The following HPF1 variants were observed in gnomAD, a reference collection of about 807,000 sequenced individuals.
HPF1 encodes the protein UPF0609 protein C4orf27.
A neutral mutation model predicts 38.8 loss-of-function variants in HPF1; 35 were observed. The observed-to-expected ratio is 0.90, with a 90% CI of 0.69 to 1.19. HPF1 has a LOEUF of 1.19. Among genes scored for constraint, HPF1 ranks in the 50% most tolerant of loss-of-function variants. The pLI, the probability that HPF1 is intolerant of heterozygous loss-of-function variation, is 0.00. For missense variants in HPF1, 367 were observed against 405.8 expected, an observed-to-expected ratio of 0.90 and a Z score of 0.82; for synonymous variants, 115 against 139.2, an observed-to-expected ratio of 0.83 and a Z score of 1.22.
chr4:169,742,425 G>A (rs1288293505), intron 4 of HPF1, among the ~76,000 whole-genome samples: 1 of 152,112 alleles, frequency 6.6e-6, no homozygotes, highest in African/African-American at 2.4e-5. Context: ...TTGATACTAA[G>A]ATATGGCATA....
rs1011782075 is a variant in HPF1, at chr4:169,733,323, G to A, written c.737-1447C>T. Among the ~76,000 whole-genome samples the A allele has an allele frequency of 3.9e-5, 6 of 152,038 alleles. No individual in the cohort carries two copies. In the East Asian group the frequency reaches 7.7e-4, roughly 20 times the overall value. On this transcript the variant is annotated intron_variant, in intron 6 of 7. Coordinates refer to ENST00000393381, the MANE Select transcript of HPF1 (RefSeq NM_017867.3). ...GTTAATGTACATCCGATTTCAGGAC[G>A]CAAATGAGATGGAAGTATGAACAAT... is the stretch of plus-strand genomic sequence containing the variant.
chr4:169,750,077 CATA>C (rs768877618), intron 3 of HPF1, among the ~76,000 whole-genome samples: 1 of 152,206 alleles, frequency 6.6e-6, no homozygotes, highest in Non-Finnish European at 1.5e-5. Flanking sequence ...ATTTAATTCT[CATA>C]ATATTCCTAT....
chr4:169,736,877 C>T (rs6850430), intron 6 of HPF1, among the ~76,000 whole-genome samples: 19,960 of 152,082 alleles, frequency 0.13, 2,419 homozygotes, highest in African/African-American at 0.33. Flanking sequence ...CGATGTTTAA[C>T]GTAGCAATAA....
At chr4:169,738,497 G>A (rs1393187496) in intron 5 of HPF1, among the ~76,000 whole-genome samples, 1 of 152,166 alleles carries the variant, frequency 6.6e-6, no homozygotes, top group Non-Finnish European at 1.5e-5. Flanking sequence ...CCAAGGCAGA[G>A]GAAGGACACA....
chr4:169,749,780 T>C (rs2150292916), intron 3 of HPF1, among the ~76,000 whole-genome samples: 1 of 146,828 alleles, frequency 6.8e-6, no homozygotes, highest in East Asian at 2.0e-4. Context: ...GATGAAAGGA[T>C]CCTATTCACG....
chr4:169,744,912 A>G (rs562560549), intron 4 of HPF1, among the ~76,000 whole-genome samples: 40 of 152,244 alleles, frequency 2.6e-4, no homozygotes, highest in African/African-American at 8.2e-4. Context: ...CTAAAATGCT[A>G]CAAAGGTATA....
intron 6 of HPF1, among the ~76,000 whole-genome samples, chr4:169,737,204 C>T (rs1015702813): frequency 6.1e-5 from 9 of 148,690 alleles, no homozygotes; most frequent in Middle Eastern, 3.5e-3. Context: ...GCAGGAGAAT[C>T]GCTTGAACCT....
chr4:169,752,257 G>A (rs957552779), intron 2 of HPF1, among the ~76,000 whole-genome samples: 2 of 135,722 alleles, frequency 1.5e-5, no homozygotes, highest in East Asian at 2.3e-4. Context: ...TGCAACCTCC[G>A]CCTCCTGGGT....
At chr4:169,750,775 T>C in intron 2 of HPF1, 50 bp from the exon 3 acceptor site, 1 of 1,329,344 alleles carries the variant, frequency 7.5e-7, no homozygotes, top group Admixed American at 2.2e-5. Flanking sequence ...AGGTAGGAAA[T>C]AATGCTTTTA....
In HPF1 at chr4:169,729,589, G is replaced by A. The variant is rs1047726; in HGVS notation, c.1030C>T (p.Leu344Phe). The A allele has an allele frequency of 5.8e-6, 9 of 1,547,810 alleles. No individual in the cohort carries two copies. Among genetic ancestry groups the A allele is most frequent in the Non-Finnish European group, 7.8e-6 (9 of 1,148,866 alleles). Reference protein sequence around the residue: ...ANRSQENIDQLAA With the variant: ...ANRSQENIDQFAA ...CAAAGCCACCTTACTCATGCAGCAA[G>A]TTGGTCTATGTTCTCTTGACTTCTG... Residue 344 changes from leucine to phenylalanine, a missense_variant, in exon 8 of 8, where the codon CTT (leucine) becomes TTT (phenylalanine). By Grantham distance (22) the Leu-to-Phe change is conservative. Coordinates refer to ENST00000393381, the MANE Select transcript of HPF1 (RefSeq NM_017867.3).
chr4:169,749,786 T>A (rs1158235485), intron 3 of HPF1, among the ~76,000 whole-genome samples: 3 of 151,292 alleles, frequency 2.0e-5, no homozygotes, highest in Non-Finnish European at 4.4e-5. Context: ...AGGATCCTAT[T>A]CACGTATATA....
At chr4:169,741,586 T>C (rs1294694268) in intron 5 of HPF1, among the ~76,000 whole-genome samples, 1 of 152,246 alleles carries the variant, frequency 6.6e-6, no homozygotes, top group African/African-American at 2.4e-5. Flanking sequence ...GCACTGCTTA[T>C]ATACACGTTT....
chr4:169,754,908 T>C (rs1734167029), intron 1 of HPF1, among the ~76,000 whole-genome samples: 1 of 151,876 alleles, frequency 6.6e-6, no homozygotes, highest in South Asian at 2.1e-4. Context: ...TTCTCATATT[T>C]ATATATTTTT....
At position 169,731,705 on chromosome 4, in the gene HPF1, TG is replaced by T; in HGVS notation, c.907del (p.His303IlefsTer18). 1 of 1,537,384 alleles carries T rather than the reference TG, an allele frequency of 6.5e-7. No homozygotes were observed. The highest frequency in any genetic ancestry group is 1.4e-5 in the African/African-American group (1 of 71,246). On this transcript the variant is annotated frameshift_variant and splice_region_variant, in exon 7 of 8. Transcript: ENST00000393381. LOFTEE classifies it high-confidence loss of function. ...AAGGTGGAGGGTTTTTTTACTCACA[TG>T]TGAGCCATAGCAAAAGAGATCCATT... ...LGMDLFCYGS[H>X]YFHKVAGQLL...
chr4:169,745,993 C>A (rs1415077305), intron 4 of HPF1, among the ~76,000 whole-genome samples: 4 of 134,662 alleles, frequency 3.0e-5, no homozygotes, highest in African/African-American at 6.5e-5. Context: ...AAACTGTTTA[C>A]CCCAGTTATT....
At chr4:169,751,392 G>A (rs901065818) in intron 2 of HPF1, among the ~76,000 whole-genome samples, 5 of 145,928 alleles carry the variant, frequency 3.4e-5, no homozygotes, top group African/African-American at 1.3e-4. Flanking sequence ...GACAGGGTGA[G>A]GCTCTGTCTC....
At chr4:169,734,539 A>G (rs1733869123) in intron 6 of HPF1, among the ~76,000 whole-genome samples, 1 of 152,246 alleles carries the variant, frequency 6.6e-6, no homozygotes, top group Non-Finnish European at 1.5e-5. Flanking sequence ...CCATCAGTAC[A>G]AGGAAAAATA....
chr4:169,736,847 T>C (rs6832007), intron 6 of HPF1, among the ~76,000 whole-genome samples: 44,622 of 152,078 alleles, frequency 0.29, 9,561 homozygotes, highest in African/African-American at 0.61. Context: ...GGAAAAGAAT[T>C]GAGAAGCGAT....
chr4:169,748,929 TA>T, intron 3 of HPF1, 87 bp from the exon 4 acceptor site: 1 of 650,016 alleles, frequency 1.5e-6, no homozygotes. Flanking sequence ...GACAACAATT[TA>T]CACCTATTTT....
Sources: gnomAD v4.1 joint callset for allele counts (sites outside exome capture counted in the v4.1 genomes callset) on GRCh38, gnomAD v4.1.1 for gene constraint, MANE v1.5 for transcripts, NCBI Gene and HGNC (gene_info 2026-07-23, HGNC 2026-07-21) for gene names.